The following FNIP1 variants were observed in gnomAD, a reference collection of about 807,000 sequenced individuals.
FNIP1 encodes folliculin interacting protein 1.
Under a neutral mutation model 124.5 loss-of-function variants are expected in FNIP1, and 40 were observed. The observed-to-expected ratio is 0.32, with a 90% CI of 0.25 to 0.42. The LOEUF (loss-of-function observed/expected upper bound fraction) is 0.42. Among genes scored for constraint, FNIP1 ranks in the 10% least tolerant of loss-of-function variants. The pLI is 1.00. For missense variants in FNIP1, 1,176 were observed against 1,403.7 expected (o/e 0.84, Z 2.59); for synonymous variants, 472 against 470.6 (o/e 1.00, Z -0.04).
At chr5:131,790,478 CAAAAAAAAAAAAA>C (rs56699008) in intron 1 of FNIP1, among the ~76,000 whole-genome samples, 1 of 70,558 alleles carries the variant, frequency 1.4e-5, no homozygotes, top group African/African-American at 4.5e-5. Flanking sequence ...GAACCTGTCT[CAAAAAAAAAAAAA>C]AAAAAAAAAA....
In FNIP1 at chr5:131,786,411, G is replaced by A. The variant is rs78638764; in HGVS notation, c.92+10419C>T. On this transcript the variant is annotated intron_variant, in intron 1 of 17. Coordinates refer to ENST00000510461, the MANE Select transcript of FNIP1 (RefSeq NM_133372.3). ...TACAGGAAAAACATGGGTTCTATTGGAGCTGTAAAATACGTCACATCCAAA... is the reference window on the plus strand; with the variant it reads ...TACAGGAAAAACATGGGTTCTATTGAAGCTGTAAAATACGTCACATCCAAA... Among the ~76,000 whole-genome samples, 1,182 of 152,294 alleles carry A rather than the reference G, an allele frequency of 7.8e-3. 17 individuals are homozygous for A. The highest frequency in any genetic ancestry group is 0.028 in the African/African-American group (1,148 of 41,562).
chr5:131,714,071 A>G (rs1769387879), intron 6 of FNIP1, among the ~76,000 whole-genome samples: 1 of 152,234 alleles, frequency 6.6e-6, no homozygotes, highest in African/African-American at 2.4e-5. Flanking sequence ...ACCTGCTGAA[A>G]TCTATTGCCA....
chr5:131,708,257 G>C (rs1344260074), intron 8 of FNIP1, among the ~76,000 whole-genome samples: 1 of 152,134 alleles, frequency 6.6e-6, no homozygotes, highest in Non-Finnish European at 1.5e-5. Flanking sequence ...CCTAGGGATT[G>C]CAATATACAG....
At chr5:131,645,830 T>A (rs1416209301) in intron 17 of FNIP1, among the ~76,000 whole-genome samples, 1 of 152,190 alleles carries the variant, frequency 6.6e-6, no homozygotes, top group African/African-American at 2.4e-5. Context: ...TGTGCTTATA[T>A]GAACATTCAA....
intron 11 of FNIP1, among the ~76,000 whole-genome samples, chr5:131,690,429 G>A (rs747729181): frequency 7.9e-5 from 12 of 152,056 alleles, no homozygotes; most frequent in Non-Finnish European, 2.9e-5. Flanking sequence ...GGAGGTATTT[G>A]AATCACGGAG....
At chr5:131,754,617 T>C (rs1770983902) in intron 1 of FNIP1, among the ~76,000 whole-genome samples, 1 of 152,204 alleles carries the variant, frequency 6.6e-6, no homozygotes, top group African/African-American at 2.4e-5. Context: ...GCATCTGCTG[T>C]AATTCTTAGT....
chr5:131,794,609 C>T (rs1321808531), intron 1 of FNIP1, among the ~76,000 whole-genome samples: 2 of 152,120 alleles, frequency 1.3e-5, no homozygotes, highest in African/African-American at 4.8e-5. Context: ...CATGGTATAG[C>T]CATACAATGG....
intron 1 of FNIP1, among the ~76,000 whole-genome samples, chr5:131,760,689 T>G (rs912242208): frequency 6.6e-6 from 1 of 152,144 alleles, no homozygotes; most frequent in African/African-American, 2.4e-5. Context: ...CATTGTTATT[T>G]CTCACTGAAA....
Position 131,704,140 on chromosome 5 carries a change from TTTG to T in FNIP1, c.1038_1040del (p.Asn346del), listed in dbSNP as rs2149532896. On this transcript the variant is annotated inframe_deletion, in exon 10 of 18. Coordinates refer to ENST00000510461, the MANE Select transcript of FNIP1 (RefSeq NM_133372.3). ...AATGTGAAAAAAAGAATTCATTAAATTTGTTATTTTCATCTTCATCTTTGGACA... is the reference window on the plus strand; with the variant it reads ...AATGTGAAAAAAAGAATTCATTAAATTTATTTTCATCTTCATCTTTGGACA... 6.2e-7 allele frequency: 1 copy of T among 1,612,984 alleles called. No individual in the cohort carries two copies. The highest frequency in any genetic ancestry group is 8.5e-7 in the Non-Finnish European group (1 of 1,179,110).
At position 131,722,771 on chromosome 5, in the gene FNIP1, C is replaced by T. The variant is rs536018238; in HGVS notation, c.355-3354G>A. Among the ~76,000 whole-genome samples, 53 of 152,248 alleles carry T rather than the reference C, an allele frequency of 3.5e-4. No homozygotes were observed. The South Asian group carries it at 9.8e-3, about 28-fold the overall frequency. ...CACAATCTCGGCTCACTGCAACCTCCGCCTCCTGGGTTCAAGCAATTCTCC... is the reference window on the plus strand; with the variant it reads ...CACAATCTCGGCTCACTGCAACCTCTGCCTCCTGGGTTCAAGCAATTCTCC... On this transcript the variant is annotated intron_variant, in intron 3 of 17. Coordinates refer to ENST00000510461, the MANE Select transcript of FNIP1 (RefSeq NM_133372.3).
chr5:131,767,031 G>A (rs987928166), intron 1 of FNIP1, among the ~76,000 whole-genome samples: 1 of 152,060 alleles, frequency 6.6e-6, no homozygotes, highest in Non-Finnish European at 1.5e-5. Flanking sequence ...CCAATTTCCA[G>A]GTATTCCATA....
Position 131,672,118 on chromosome 5 carries a change from T to A in FNIP1, c.2326A>T (p.Ile776Phe). Residue 776 changes from isoleucine to phenylalanine, a missense_variant, in exon 14 of 18, where the codon ATT becomes TTT. Coordinates refer to ENST00000510461, the MANE Select transcript of FNIP1 (RefSeq NM_133372.3). ...ELRSQAVVDQITRHHTKPLKE... is the reference protein window; with the variant it reads ...ELRSQAVVDQFTRHHTKPLKE... ...AATGGTTTGGTGTGATGTCTGGTAA[T>A]CTGATCCACCACTGCCTGACTTCGA... 1 of 1,614,198 alleles carries A rather than the reference T, an allele frequency of 6.2e-7. No homozygotes were observed. Among genetic ancestry groups the A allele is most frequent in the Non-Finnish European group, 8.5e-7 (1 of 1,180,036 alleles).
chr5:131,662,574 G>C lies in FNIP1; in HGVS notation c.3108+7889C>G, dbSNP rs114341079. ...AAGGCTTTGCCCTCCCACAGTGGTG[G>C]GTGGCTTGGGTTCAATTCCAGGCTT... On this transcript the variant is annotated intron_variant, in intron 15 of 17. Coordinates refer to ENST00000510461, the MANE Select transcript of FNIP1 (RefSeq NM_133372.3). Among the ~76,000 whole-genome samples the C allele has an allele frequency of 7.1e-3, 1,086 of 152,132 alleles. 7 individuals are homozygous for C. Among genetic ancestry groups the C allele is most frequent in the African/African-American group, 0.024 (1,008 of 41,502 alleles).
chr5:131,756,376 TAGA>T (rs891463954), intron 1 of FNIP1, among the ~76,000 whole-genome samples: 22 of 151,954 alleles, frequency 1.4e-4, no homozygotes, highest in African/African-American at 4.1e-4. Flanking sequence ...GTCACTCAGG[TAGA>T]AGAAGTGAGG....
intron 9 of FNIP1, among the ~76,000 whole-genome samples, 159 bp from the exon 10 acceptor site, chr5:131,704,425 G>T (rs1039828716): frequency 6.6e-6 from 1 of 152,042 alleles, no homozygotes; most frequent in Non-Finnish European, 1.5e-5. Context: ...GAAATCTACT[G>T]GCTATTCTTT....
intron 1 of FNIP1, among the ~76,000 whole-genome samples, chr5:131,744,924 T>C (rs1037479855): frequency 2.6e-5 from 4 of 151,606 alleles, no homozygotes; most frequent in Admixed American, 2.0e-4. Flanking sequence ...TATCAGTATA[T>C]ATAAAATATA....
chr5:131,767,427 C>CAAAAAAAAAAAAAAAAAAAAAAAAAA (rs139550903), intron 1 of FNIP1, among the ~76,000 whole-genome samples: 1 of 63,992 alleles, frequency 1.6e-5, no homozygotes, highest in African/African-American at 5.0e-5. Flanking sequence ...GATTCTGTCT[C>CAAAAAAAAAAAAAAAAAAAAAAAAAA]AAAAAAAAAA....
intron 2 of FNIP1, among the ~76,000 whole-genome samples, chr5:131,738,585 C>T (rs1045950669): frequency 1.3e-5 from 2 of 152,102 alleles, no homozygotes; most frequent in Admixed American, 6.5e-5. Context: ...CTGTAGCCAC[C>T]GCCTCCTGGG....
intron 2 of FNIP1, among the ~76,000 whole-genome samples, chr5:131,734,299 G>T (rs181404671): frequency 6.6e-6 from 1 of 152,040 alleles, no homozygotes; most frequent in African/African-American, 2.4e-5. Context: ...TGGATTTTTT[G>T]AAGGGTTTTT....
Sources: gnomAD v4.1 joint callset for allele counts (sites outside exome capture counted in the v4.1 genomes callset) on GRCh38, gnomAD v4.1.1 for gene constraint, MANE v1.5 for transcripts, NCBI Gene and HGNC (gene_info 2026-07-23, HGNC 2026-07-21) for gene names.